WWOX: variants seen among roughly 807,000 people sequenced by gnomAD.
WWOX encodes WW domain containing oxidoreductase, also known as WW domain-containing oxidoreductase.
Under a neutral mutation model 46.2 loss-of-function variants are expected in WWOX, and 69 were observed. That is an observed-to-expected ratio of 1.49 (90% confidence interval 1.23 to 1.82). The LOEUF (loss-of-function observed/expected upper bound fraction) is 1.82. Ranked by LOEUF, WWOX falls within the 40% of genes most tolerant of loss-of-function variation. The pLI is 0.00. For missense variants in WWOX, 919 were observed against 542.6 expected (o/e 1.69, Z -6.89); for synonymous variants, 359 against 202.6 (o/e 1.77, Z -6.56).
At chr16:78,224,224 C>CT (rs2036979806) in intron 5 of WWOX, among the ~76,000 whole-genome samples, 1 of 152,136 alleles carries the variant, frequency 6.6e-6, no homozygotes, top group East Asian at 1.9e-4. Flanking sequence ...AGGATGGTCT[C>CT]TATCTCCTGA....
chr16:78,513,981 A>G (rs1318421525), intron 8 of WWOX, among the ~76,000 whole-genome samples: 3 of 148,668 alleles, frequency 2.0e-5, no homozygotes, highest in Non-Finnish European at 4.4e-5. Flanking sequence ...TGTCTGTTAC[A>G]AGTCCTGGTT....
chr16:78,164,425 T>C (rs1039740537), intron 5 of WWOX, 136 bp downstream of exon 5: 14 of 813,346 alleles, frequency 1.7e-5, no homozygotes, highest in Non-Finnish European at 2.6e-5. Flanking sequence ...ATCTTCACTT[T>C]GTTTGTCTTA....
At chr16:78,460,379 T>C (rs754422549) in intron 8 of WWOX, among the ~76,000 whole-genome samples, 4 of 152,236 alleles carry the variant, frequency 2.6e-5, no homozygotes, top group Non-Finnish European at 5.9e-5. Context: ...CCTTGCAAAG[T>C]GCTGGGATTA....
At chr16:79,070,250 C>A (rs987167553) in intron 8 of WWOX, among the ~76,000 whole-genome samples, 2 of 146,082 alleles carry the variant, frequency 1.4e-5, no homozygotes, top group Admixed American at 6.9e-5. Flanking sequence ...CCAGTTTGTT[C>A]TTAGGAATGT....
intron 5 of WWOX, among the ~76,000 whole-genome samples, chr16:78,190,763 A>C (rs1447927605): frequency 6.6e-6 from 1 of 152,306 alleles, no homozygotes; most frequent in South Asian, 2.1e-4. Context: ...CCAGATAATT[A>C]ATCTTGGAGA....
chr16:79,156,547 G>C (rs2050385617), intron 8 of WWOX, among the ~76,000 whole-genome samples: 1 of 152,126 alleles, frequency 6.6e-6, no homozygotes, highest in South Asian at 2.1e-4. Flanking sequence ...AGGAAAATTA[G>C]GAATTCTTAA....
At chr16:79,204,186 G>C (rs537544585) in intron 8 of WWOX, 1 of 152,246 alleles carries the variant, frequency 6.6e-6, no homozygotes, top group Admixed American at 6.5e-5. Flanking sequence ...ACTGTACTTT[G>C]AGCAATGTAG....
intron 8 of WWOX, among the ~76,000 whole-genome samples, chr16:78,451,636 T>C (rs1012844011): frequency 9.9e-5 from 15 of 152,228 alleles, no homozygotes; most frequent in Non-Finnish European, 1.8e-4. Context: ...ATCTTTGGGC[T>C]GTTGGTGGGA....
intron 8 of WWOX, among the ~76,000 whole-genome samples, chr16:78,649,082 T>C (rs2046908306): frequency 6.6e-6 from 1 of 152,172 alleles, no homozygotes; most frequent in Non-Finnish European, 1.5e-5. Flanking sequence ...CAAGGGATTC[T>C]CCTGCCTCAG....
intron 8 of WWOX, among the ~76,000 whole-genome samples, chr16:78,727,377 T>C (rs1015877026): frequency 6.6e-6 from 1 of 152,102 alleles, no homozygotes; most frequent in African/African-American, 2.4e-5. Context: ...AGAGCAAGAC[T>C]CCATCTCAAA....
chr16:78,211,584 A>C (rs753169082), intron 5 of WWOX, among the ~76,000 whole-genome samples: 5 of 152,156 alleles, frequency 3.3e-5, no homozygotes, highest in Non-Finnish European at 7.3e-5. Flanking sequence ...CTGCATTGTC[A>C]AGACTACATT....
intron 5 of WWOX, among the ~76,000 whole-genome samples, chr16:78,240,973 G>T (rs950478188): frequency 1.3e-5 from 2 of 152,118 alleles, no homozygotes; most frequent in African/African-American, 4.8e-5. Flanking sequence ...CTTGCAATTT[G>T]GGGATCTCTC....
intron 8 of WWOX, among the ~76,000 whole-genome samples, chr16:78,924,741 A>C (rs2045460038): frequency 6.6e-6 from 1 of 152,174 alleles, no homozygotes; most frequent in Non-Finnish European, 1.5e-5. Flanking sequence ...CATTCTGTAG[A>C]GCTTCCTATA....
intron 8 of WWOX, among the ~76,000 whole-genome samples, chr16:78,657,825 G>A (rs1293008800): frequency 6.6e-6 from 1 of 152,084 alleles, no homozygotes; most frequent in Admixed American, 6.5e-5. Flanking sequence ...TTTTTTGTGT[G>A]TGTGTTATTT....
intron 8 of WWOX, among the ~76,000 whole-genome samples, chr16:79,090,692 AAGGTCCCGAGTG>A (rs2048942054): frequency 6.6e-6 from 1 of 152,176 alleles, no homozygotes; most frequent in Non-Finnish European, 1.5e-5. Flanking sequence ...GGCAAGTATC[AAGGTCCCGAGTG>A]AGGCACATGC....
At position 78,843,534 on chromosome 16, in the gene WWOX, T is replaced by G. The variant is rs2052217080; in HGVS notation, c.1057-368074T>G. 1.3e-5 allele frequency among the ~76,000 whole-genome samples: 2 copies of G among 150,004 alleles called. 1 individual carries two copies. Among genetic ancestry groups the G allele is most frequent in the Non-Finnish European group, 3.0e-5 (2 of 67,052 alleles). ...ACCCACAAATGACATGTTTTGACTC[T>G]TTGACACAGAATGGTTGGAAATCAC... On this transcript the variant is annotated intron_variant, in intron 8 of 8. Coordinates refer to ENST00000566780, the MANE Select transcript of WWOX (RefSeq NM_016373.4).
intron 8 of WWOX, among the ~76,000 whole-genome samples, chr16:78,860,698 T>C (rs1192852000): frequency 2.0e-5 from 3 of 152,254 alleles, no homozygotes; most frequent in African/African-American, 7.2e-5. Flanking sequence ...CTGTTAGCAG[T>C]GCCAACATCC....
At position 78,314,701 on chromosome 16, in the gene WWOX, G is replaced by GTTTTT. The variant is rs920575863; in HGVS notation, c.517-72143_517-72139dup. Among the ~76,000 whole-genome samples the GTTTTT allele has an allele frequency of 2.0e-3, 120 of 61,262 alleles. 1 individual carries two copies. The highest frequency in any genetic ancestry group is 7.3e-3 in the African/African-American group (98 of 13,402). The allele number at this position is 61,262 out of a possible 152,430, so 40.2% of individuals were successfully genotyped here. A position where few individuals can be genotyped will look rare whatever the true frequency, so the allele number is the denominator to read the frequency against. ...CACCCTGCAGGGGTTTTTTTTTTTT[G>GTTTTT]TTTTTTTTTTTTTTTTTTTTCTGTA... On this transcript the variant is annotated intron_variant, in intron 5 of 8. Transcript: ENST00000566780.
chr16:78,416,044 T>C (rs2082790655), intron 6 of WWOX, among the ~76,000 whole-genome samples: 1 of 152,168 alleles, frequency 6.6e-6, no homozygotes, highest in Admixed American at 6.5e-5. Flanking sequence ...TCTCAGGCTC[T>C]AAACAAGGAG....
Sources: allele counts gnomAD v4.1 joint callset (sites outside exome capture counted in the v4.1 genomes callset), GRCh38; gene constraint gnomAD v4.1.1; transcripts MANE v1.5; gene names NCBI Gene and HGNC (gene_info 2026-07-23, HGNC 2026-07-21).